Variants in EXT1 observed in about 807,000 individuals in gnomAD.
The protein encoded by EXT1 is exostosin-1.
EXT1 carries 20 observed loss-of-function variants against 82.5 expected under a neutral mutation model. The ratio of observed to expected loss-of-function variants is 0.24; its 90% CI spans 0.17 to 0.35. The LOEUF (loss-of-function observed/expected upper bound fraction) is 0.35, where lower values mean the gene tolerates loss of function less well. Ranked by LOEUF, EXT1 falls within the 10% of genes least tolerant of loss-of-function variation. EXT1 has a pLI of 1.00. For synonymous variants in EXT1, 348 were observed against 350.8 expected (o/e 0.99, Z 0.09); for missense variants, 757 against 936.5 (o/e 0.81, Z 2.50).
intron 1 of EXT1, among the ~76,000 whole-genome samples, chr8:117,863,409 A>G (rs1812718939): frequency 2.1e-5 from 1 of 48,390 alleles, no homozygotes; most frequent in Non-Finnish European, 4.3e-5. Context: ...TGCTAAGTCT[A>G]GGTTTTTTTT....
chr8:117,926,547 C>T (rs1401266496), intron 1 of EXT1, among the ~76,000 whole-genome samples: 1 of 152,156 alleles, frequency 6.6e-6, no homozygotes, highest in Non-Finnish European at 1.5e-5. Flanking sequence ...GAACTGAATC[C>T]ACAAAAAGTC....
chr8:118,110,004 C>T (rs1003331702), intron 1 of EXT1, 81 bp downstream of exon 1: 3 of 1,606,856 alleles, frequency 1.9e-6, no homozygotes, highest in Admixed American at 1.7e-5. Flanking sequence ...CGCCCTCACC[C>T]CATCCCCCAA....
chr8:117,911,248 T>C (rs1202994634), intron 1 of EXT1, among the ~76,000 whole-genome samples: 1 of 152,150 alleles, frequency 6.6e-6, no homozygotes, highest in Non-Finnish European at 1.5e-5. Flanking sequence ...AGATCATAAA[T>C]ACAGATAAGC....
chr8:118,105,401 C>G (rs1010256734), intron 1 of EXT1, among the ~76,000 whole-genome samples: 1 of 152,188 alleles, frequency 6.6e-6, no homozygotes, highest in African/African-American at 2.4e-5. Context: ...CCTGCAGGCC[C>G]CTAGCTTAGA....
intron 1 of EXT1, among the ~76,000 whole-genome samples, chr8:118,001,682 T>C (rs941525021): frequency 1.3e-5 from 2 of 152,158 alleles, no homozygotes; most frequent in Non-Finnish European, 2.9e-5. Context: ...ACCAACATAA[T>C]AGGTCATGCT....
chr8:117,959,915 C>T (rs867624649), intron 1 of EXT1, among the ~76,000 whole-genome samples: 7 of 152,164 alleles, frequency 4.6e-5, no homozygotes, highest in Middle Eastern at 3.2e-3. Flanking sequence ...AACAGATTGG[C>T]ACATAATAAA....
intron 1 of EXT1, among the ~76,000 whole-genome samples, chr8:117,905,899 A>C: frequency 6.6e-6 from 1 of 152,204 alleles, no homozygotes; most frequent in East Asian, 1.9e-4. Flanking sequence ...GTCAGAAGAA[A>C]AAGACCATGA....
At chr8:117,918,538 T>A (rs1224216226) in intron 1 of EXT1, among the ~76,000 whole-genome samples, 1 of 152,236 alleles carries the variant, frequency 6.6e-6, no homozygotes, top group Non-Finnish European at 1.5e-5. Flanking sequence ...TGTTTTGCTC[T>A]GACCAGCAGA....
chr8:118,038,859 G>A (rs1230000554), intron 1 of EXT1, among the ~76,000 whole-genome samples: 1 of 152,228 alleles, frequency 6.6e-6, no homozygotes, highest in Non-Finnish European at 1.5e-5. Flanking sequence ...ACCATGGCCT[G>A]AACATGGCGT....
chr8:118,063,213 A>AC (rs1045540523), intron 1 of EXT1, among the ~76,000 whole-genome samples: 1 of 152,176 alleles, frequency 6.6e-6, no homozygotes, highest in African/African-American at 2.4e-5. Context: ...GTAAAAAAAA[A>AC]ATTCAAGTTC....
chr8:118,013,461 G>C (rs753571103), intron 1 of EXT1, among the ~76,000 whole-genome samples: 1 of 152,036 alleles, frequency 6.6e-6, no homozygotes, highest in Non-Finnish European at 1.5e-5. Flanking sequence ...CACCCGCCTC[G>C]GCCTCCCAAA....
chr8:118,019,569 G>A (rs920892335), intron 1 of EXT1, among the ~76,000 whole-genome samples: 1 of 152,138 alleles, frequency 6.6e-6, no homozygotes, highest in Non-Finnish European at 1.5e-5. Flanking sequence ...ACTATTCATC[G>A]TACATCGTCT....
chr8:118,021,033 A>C (rs1437439731), intron 1 of EXT1, among the ~76,000 whole-genome samples: 1 of 152,202 alleles, frequency 6.6e-6, no homozygotes, highest in African/African-American at 2.4e-5. Flanking sequence ...TGTAAGAACA[A>C]TATTTATGAG....
At chr8:117,996,026 A>C (rs1459464207) in intron 1 of EXT1, among the ~76,000 whole-genome samples, 1 of 152,038 alleles carries the variant, frequency 6.6e-6, no homozygotes, top group Non-Finnish European at 1.5e-5. Flanking sequence ...GAACCTTGCC[A>C]CTTCTCATCA....
At chr8:117,823,504 AT>A (rs924959431) in intron 4 of EXT1, among the ~76,000 whole-genome samples, 25 of 148,532 alleles carry the variant, frequency 1.7e-4, no homozygotes, top group African/African-American at 5.6e-4. Context: ...TTTTTTTTAC[AT>A]TAAAAAAAAA....
chr8:117,795,015 GA>G lies in EXT1; in HGVS notation c.*4696del, dbSNP rs1823070540. The G allele has an allele frequency of 6.6e-6, 1 of 152,174 alleles. No homozygotes were observed. The highest frequency in any genetic ancestry group is 1.5e-5 in the Non-Finnish European group (1 of 68,042). The allele number at this position is 152,174 out of a possible 1,614,324, so 9.4% of individuals were successfully genotyped here. ...TAATAGTTACAACCGAAAGGACAGG[GA>G]TGTATTCCTGTAGGAGAAGAACAGA... On this transcript the variant is annotated 3_prime_UTR_variant, in exon 11 of 11. Coordinates refer to ENST00000378204, the MANE Select transcript of EXT1 (RefSeq NM_000127.3).
intron 1 of EXT1, among the ~76,000 whole-genome samples, chr8:117,856,022 A>G (rs112421164): frequency 2.1e-4 from 32 of 152,260 alleles, no homozygotes; most frequent in South Asian, 2.1e-3. Context: ...TGAAGAAGGA[A>G]TGTTGAAAGG....
chr8:117,812,822 G>A (rs1823349313), intron 8 of EXT1, 50 bp downstream of exon 8: 1 of 1,497,216 alleles, frequency 6.7e-7, no homozygotes, highest in Non-Finnish European at 9.3e-7. Context: ...TGCAACATGA[G>A]GTGACTGCCT....
At chr8:117,907,926 G>T (rs1010402455) in intron 1 of EXT1, among the ~76,000 whole-genome samples, 1 of 152,122 alleles carries the variant, frequency 6.6e-6, no homozygotes, top group Non-Finnish European at 1.5e-5. Flanking sequence ...ACAGTAAGAT[G>T]GCATTGGCTC....
Sources: allele counts gnomAD v4.1 joint callset (sites outside exome capture counted in the v4.1 genomes callset), GRCh38; gene constraint gnomAD v4.1.1; transcripts MANE v1.5; gene names NCBI Gene and HGNC (gene_info 2026-07-23, HGNC 2026-07-21).